Variants in MPC2 observed in about 807,000 individuals in gnomAD.
MPC2 encodes brain protein 44.
MPC2 carries 19 observed loss-of-function variants against 19.2 expected under a neutral mutation model. That is an observed-to-expected ratio of 0.99 (90% confidence interval 0.69 to 1.45). MPC2 has a LOEUF of 1.45. Ranked by LOEUF, MPC2 falls within the 40% of genes most tolerant of loss-of-function variation. The pLI, the probability that MPC2 is intolerant of heterozygous loss-of-function variation, is 0.00. For missense variants in MPC2, 122 were observed against 153.0 expected (o/e 0.80, Z 1.07); for synonymous variants, 61 against 54.3 (o/e 1.12, Z -0.54).
At chr1:167,923,035 CAAAAAT>C (rs892614094) in intron 3 of MPC2, among the ~76,000 whole-genome samples, 2 of 152,004 alleles carry the variant, frequency 1.3e-5, no homozygotes, top group African/African-American at 4.8e-5. Flanking sequence ...AAAACAAAAA[CAAAAAT>C]GCTCCCCCAT....
chr1:167,933,596 C>T (rs1176058284), intron 2 of MPC2, among the ~76,000 whole-genome samples: 1 of 152,198 alleles, frequency 6.6e-6, no homozygotes, highest in Non-Finnish European at 1.5e-5. Flanking sequence ...TTAATAAACT[C>T]CTTGTAGGTG....
At chr1:167,936,838 G>A (rs1571535509) in intron 1 of MPC2, 101 bp downstream of exon 1, 18 of 1,338,188 alleles carry the variant, frequency 1.3e-5, no homozygotes, top group Non-Finnish European at 1.9e-5. Flanking sequence ...CTCGGGTGTT[G>A]AAACGGGTGT....
intron 2 of MPC2, among the ~76,000 whole-genome samples, chr1:167,929,214 C>T (rs1048406307): frequency 2.6e-5 from 4 of 151,866 alleles, no homozygotes; most frequent in Non-Finnish European, 5.9e-5. Flanking sequence ...CAAAATTAGC[C>T]GGGCGTGGTG....
In MPC2 at chr1:167,935,792, A is replaced by T; in HGVS notation, c.50T>A (p.Leu17His). Reference protein sequence around the residue: ...RGLRATYHRLLDKVELMLPEK... With the variant: ...RGLRATYHRLHDKVELMLPEK... ...GGGCAGCATCAGCTCCACTTTATCG[A>T]GGAGCCGGTGGTAGGTGGCCCGCAG... The change falls in exon 2 of 6, where the codon CTC (leucine) becomes CAC (histidine). Residue 17 changes from leucine (L) to histidine (H), a missense_variant. Physicochemically the swap from Leu to His is moderately conservative, Grantham distance 99. Transcript: ENST00000271373. 1 of 1,561,088 alleles carries T rather than the reference A, an allele frequency of 6.4e-7. No individual in the cohort carries two copies. The highest frequency in any genetic ancestry group is 8.7e-7 in the Non-Finnish European group (1 of 1,152,876).
In MPC2 at chr1:167,918,349, C is replaced by T; in HGVS notation, c.358G>A (p.Glu120Lys). ...QLFRIWRYNQ[E>K]LKAKAHK ...TATTTGTGTGCTTTAGCTTTTAGTT[C>T]TTGGTTATATCTATAAAGAAAACAG... The change falls in exon 6 of 6, where the codon GAA becomes AAA. Residue 120 changes from glutamate to lysine, a missense_variant. Coordinates refer to ENST00000271373, the MANE Select transcript of MPC2 (RefSeq NM_001143674.4). The T allele has an allele frequency of 6.4e-7, 1 of 1,554,988 alleles. No homozygotes were observed. The highest frequency in any genetic ancestry group is 8.8e-7 in the Non-Finnish European group (1 of 1,129,958).
intron 3 of MPC2, among the ~76,000 whole-genome samples, chr1:167,921,344 C>T (rs1225024514): frequency 1.3e-5 from 2 of 151,842 alleles, no homozygotes; most frequent in Non-Finnish European, 2.9e-5. Flanking sequence ...TGCCTCAGCC[C>T]CCAAGTAGCT....
rs1432873587 is a variant in MPC2 at position 167,923,169 on chromosome 1, T to C, written c.150+1328A>G. Among the ~76,000 whole-genome samples, 7 of 152,220 alleles carry C rather than the reference T, an allele frequency of 4.6e-5. No individual in the cohort carries two copies. The East Asian group carries it at 1.2e-3, about 25-fold the overall frequency. On this transcript the variant is annotated intron_variant, in intron 3 of 5. Coordinates refer to ENST00000271373, the MANE Select transcript of MPC2 (RefSeq NM_001143674.4). ...CAAAAAATATTAAGCAGAATTATCA[T>C]ATGATCTAGCAATTCAACTTCTGGG...
At chr1:167,936,510 G>C (rs1671229780) in intron 1 of MPC2, 1 of 220,836 alleles carries the variant, frequency 4.5e-6, no homozygotes, top group Non-Finnish European at 9.1e-6. Context: ...TTCTTCCAGG[G>C]TGAGGGCAGC....
intron 1 of MPC2, 154 bp downstream of exon 1, chr1:167,936,785 C>T (rs1374210393): frequency 1.2e-6 from 1 of 821,628 alleles, no homozygotes; most frequent in Non-Finnish European, 1.9e-6. Context: ...CGCCATCTAA[C>T]GCTGCGCCCT....
intron 1 of MPC2, chr1:167,936,161 C>A: frequency 3.2e-6 from 1 of 309,590 alleles, no homozygotes; most frequent in Non-Finnish European, 6.2e-6. Context: ...CTGCTGGCAG[C>A]GCGCTTGCGC....
intron 2 of MPC2, among the ~76,000 whole-genome samples, chr1:167,933,739 A>ATTT (rs1670979654): frequency 6.6e-6 from 1 of 152,160 alleles, no homozygotes. Flanking sequence ...TTTATTCAAT[A>ATTT]CTCATCAGTC....
chr1:167,936,722 G>A, intron 1 of MPC2: 1 of 593,016 alleles, frequency 1.7e-6, no homozygotes, highest in Non-Finnish European at 3.0e-6. Flanking sequence ...TATGAGGCGA[G>A]CTCCGGCCCG....
intron 2 of MPC2, among the ~76,000 whole-genome samples, chr1:167,933,490 C>A (rs943505518): frequency 6.6e-6 from 1 of 152,080 alleles, no homozygotes. Flanking sequence ...TGTTACCTGT[C>A]GAGACATACA....
intron 5 of MPC2, 106 bp from the exon 6 acceptor site, chr1:167,918,465 T>A: frequency 1.4e-6 from 1 of 704,226 alleles, no homozygotes; most frequent in Non-Finnish European, 2.3e-6. Flanking sequence ...GGTGGTCAAG[T>A]AGCTATACAG....
At chr1:167,929,302 T>G (rs564374249) in intron 2 of MPC2, among the ~76,000 whole-genome samples, 273 of 151,998 alleles carry the variant, frequency 1.8e-3, no homozygotes, top group African/African-American at 6.4e-3. Flanking sequence ...GAGGTTGCAG[T>G]GAGCCGAGAT....
At chr1:167,921,364 G>A (rs1291172845) in intron 3 of MPC2, among the ~76,000 whole-genome samples, 1 of 151,952 alleles carries the variant, frequency 6.6e-6, no homozygotes, top group Non-Finnish European at 1.5e-5. Context: ...TGGAATTACA[G>A]GCGTGTGCCA....
intron 2 of MPC2, among the ~76,000 whole-genome samples, chr1:167,926,023 T>C (rs149725197): frequency 1.2e-4 from 19 of 152,350 alleles, no homozygotes; most frequent in African/African-American, 4.6e-4. Context: ...TCAGAGAAGC[T>C]GGGTATCATT....
chr1:167,934,203 A>G (rs1670993059), intron 2 of MPC2, among the ~76,000 whole-genome samples: 1 of 152,232 alleles, frequency 6.6e-6, no homozygotes, highest in Non-Finnish European at 1.5e-5. Flanking sequence ...ACAGGTGGCT[A>G]AAAACTAAAG....
intron 1 of MPC2, 160 bp downstream of exon 1, chr1:167,936,779 A>C (rs1405479866): frequency 3.9e-6 from 3 of 771,632 alleles, no homozygotes; most frequent in Non-Finnish European, 6.3e-6. Flanking sequence ...TGCCACCGCC[A>C]TCTAACGCTG....
Sources: allele counts gnomAD v4.1 joint callset (sites outside exome capture counted in the v4.1 genomes callset), GRCh38; gene constraint gnomAD v4.1.1; transcripts MANE v1.5; gene names NCBI Gene and HGNC (gene_info 2026-07-23, HGNC 2026-07-21).